The following TPST1 variants were observed in gnomAD, a reference collection of about 807,000 sequenced individuals.
TPST1 encodes tyrosylprotein sulfotransferase 1.
TPST1 carries 20 observed loss-of-function variants against 34.8 expected under a neutral mutation model. The observed-to-expected ratio is 0.57, with a 90% CI of 0.40 to 0.84. TPST1 has a LOEUF of 0.84. Ranked by LOEUF, TPST1 falls within the 40% of genes least tolerant of loss-of-function variation. The pLI is 0.00. For synonymous variants in TPST1, 152 were observed against 159.4 expected (o/e 0.95, Z 0.35); for missense variants, 353 against 455.5 (o/e 0.78, Z 2.05).
intron 2 of TPST1, among the ~76,000 whole-genome samples, chr7:66,265,699 A>G (rs941224852): frequency 2.0e-5 from 3 of 152,272 alleles, no homozygotes; most frequent in Non-Finnish European, 2.9e-5. Flanking sequence ...AGCTAGACAC[A>G]TCATAATCAA....
At chr7:66,265,306 T>C (rs1171999077) in intron 2 of TPST1, among the ~76,000 whole-genome samples, 1 of 152,078 alleles carries the variant, frequency 6.6e-6, no homozygotes, top group Non-Finnish European at 1.5e-5. Flanking sequence ...TCCCAGAACT[T>C]TGGGAGACCA....
intron 2 of TPST1, among the ~76,000 whole-genome samples, chr7:66,243,759 T>C (rs573853527): frequency 6.8e-4 from 103 of 151,642 alleles, no homozygotes; most frequent in Middle Eastern, 3.4e-3. Flanking sequence ...GCCATACTTC[T>C]TTTTTAAAGA....
chr7:66,317,579 ATTCT>A (rs1425459067), intron 3 of TPST1, among the ~76,000 whole-genome samples: 1 of 150,814 alleles, frequency 6.6e-6, no homozygotes, highest in Non-Finnish European at 1.5e-5. Flanking sequence ...TATAAATTTC[ATTCT>A]TTGAGTCTTT....
chr7:66,219,236 T>G (rs924071246), intron 1 of TPST1, among the ~76,000 whole-genome samples: 3 of 151,994 alleles, frequency 2.0e-5, no homozygotes, highest in Non-Finnish European at 4.4e-5. Context: ...ATGCCCAGCT[T>G]TTCATAGAGA....
intron 2 of TPST1, among the ~76,000 whole-genome samples, chr7:66,276,526 A>G (rs1790820511): frequency 1.3e-5 from 2 of 151,320 alleles, no homozygotes; most frequent in Non-Finnish European, 2.9e-5. Context: ...GGCATGTGCC[A>G]TCATGCCTGG....
chr7:66,347,211 G>T (rs1000804017), intron 3 of TPST1, among the ~76,000 whole-genome samples: 1 of 151,628 alleles, frequency 6.6e-6, no homozygotes, highest in African/African-American at 2.4e-5. Flanking sequence ...GGGATTTCAG[G>T]TATATGCCAC....
intron 3 of TPST1, among the ~76,000 whole-genome samples, chr7:66,317,860 T>G (rs893605465): frequency 4.6e-5 from 7 of 152,220 alleles, no homozygotes; most frequent in African/African-American, 1.7e-4. Flanking sequence ...TTTGTTAACC[T>G]TTAAATATTA....
chr7:66,221,848 G>A (rs1789550200), intron 1 of TPST1, among the ~76,000 whole-genome samples: 1 of 152,032 alleles, frequency 6.6e-6, no homozygotes, highest in African/African-American at 2.4e-5. Flanking sequence ...TTGGAAAACT[G>A]TTTTTCCTCT....
intron 2 of TPST1, among the ~76,000 whole-genome samples, chr7:66,244,512 G>A (rs1312322072): frequency 6.6e-6 from 1 of 152,088 alleles, no homozygotes; most frequent in African/African-American, 2.4e-5. Flanking sequence ...GCGTCTCTGG[G>A]CTGTTCCAGT....
upstream of TPST1, among the ~76,000 whole-genome samples, chr7:66,204,667 A>G (rs1789084100): frequency 6.6e-6 from 1 of 152,240 alleles, no homozygotes; most frequent in South Asian, 2.1e-4. Flanking sequence ...ATTTTGTGAA[A>G]TATCTGCCCT....
intron 1 of TPST1, among the ~76,000 whole-genome samples, chr7:66,214,644 C>G (rs1789350096): frequency 6.7e-6 from 1 of 150,318 alleles, no homozygotes; most frequent in Non-Finnish European, 1.5e-5. Context: ...GATGAAAGCC[C>G]GTCTCTATAA....
chr7:66,234,699 C>T (rs1044836278), intron 1 of TPST1, among the ~76,000 whole-genome samples: 2 of 151,944 alleles, frequency 1.3e-5, no homozygotes, highest in East Asian at 1.9e-4. Context: ...TTTTTGGAGA[C>T]GGAGTCTCGT....
chr7:66,253,288 G>A (rs532644560), intron 2 of TPST1, among the ~76,000 whole-genome samples: 81 of 152,174 alleles, frequency 5.3e-4, no homozygotes, highest in Non-Finnish European at 9.1e-4. Flanking sequence ...AAACCTAGGG[G>A]ATTGTCCTAA....
At position 66,220,138 on chromosome 7, in the gene TPST1, G is replaced by A. The variant is rs146686528; in HGVS notation, c.-102+14616G>A. 5.9e-5 allele frequency among the ~76,000 whole-genome samples: 9 copies of A among 152,252 alleles called. No homozygotes were observed. In the East Asian group the frequency reaches 1.2e-3, roughly 20 times the overall value. On this transcript the variant is annotated intron_variant, in intron 1 of 5. Transcript: ENST00000304842. ...ACTGGAACCAGAAGAAAAAAGTAAT[G>A]TTCTAATCCTAGGAAAGCATTAGCT...
chr7:66,345,083 T>TA (rs1792317244), intron 3 of TPST1, among the ~76,000 whole-genome samples: 1 of 151,564 alleles, frequency 6.6e-6, no homozygotes, highest in African/African-American at 2.4e-5. Context: ...ACGATGGGAA[T>TA]AACAGAGGAA....
intron 3 of TPST1, among the ~76,000 whole-genome samples, chr7:66,310,288 GAAA>G (rs1791504811): frequency 6.6e-6 from 1 of 152,190 alleles, no homozygotes; most frequent in Non-Finnish European, 1.5e-5. Context: ...ACATTGCTGT[GAAA>G]GAACATTATG....
intron 3 of TPST1, among the ~76,000 whole-genome samples, chr7:66,308,593 G>A (rs1791468632): frequency 6.6e-6 from 1 of 152,094 alleles, no homozygotes; most frequent in African/African-American, 2.4e-5. Context: ...GTATAGCCAT[G>A]TGCCCATTGT....
chr7:66,214,155 C>T (rs1425230914), intron 1 of TPST1, among the ~76,000 whole-genome samples: 1 of 152,054 alleles, frequency 6.6e-6, no homozygotes, highest in Non-Finnish European at 1.5e-5. Context: ...AACCATACCA[C>T]ACACTCCTTA....
chr7:66,227,117 T>G (rs1789674815), intron 1 of TPST1, among the ~76,000 whole-genome samples: 1 of 133,730 alleles, frequency 7.5e-6, no homozygotes, highest in South Asian at 2.6e-4. Context: ...CACTGCAACC[T>G]CCGCCTCCTG....
Sources: allele counts gnomAD v4.1 joint callset (sites outside exome capture counted in the v4.1 genomes callset), GRCh38; gene constraint gnomAD v4.1.1; transcripts MANE v1.5; gene names NCBI Gene and HGNC (gene_info 2026-07-23, HGNC 2026-07-21).